The following FREM2 variants were observed in gnomAD, a reference collection of about 807,000 sequenced individuals.
FREM2 encodes the protein FRAS1 related extracellular matrix 2, also known as FRAS1-related extracellular matrix protein 2.
FREM2 carries 119 observed loss-of-function variants against 219.9 expected under a neutral mutation model. That is an observed-to-expected ratio of 0.54 (90% CI 0.47 to 0.63). The LOEUF (loss-of-function observed/expected upper bound fraction) is 0.63. Among genes scored for constraint, FREM2 ranks in the 30% least tolerant of loss-of-function variants. The pLI is 0.00. For missense variants in FREM2, 4,030 were observed against 3,993.6 expected (o/e 1.01, Z -0.25); for synonymous variants, 1,562 against 1,522.8 (o/e 1.03, Z -0.60).
chr13:38,728,249 C>T (rs1424242613), intron 2 of FREM2, among the ~76,000 whole-genome samples: 3 of 151,700 alleles, frequency 2.0e-5, no homozygotes, highest in South Asian at 2.1e-4. Context: ...CACATGTTGT[C>T]GTTGACAGGA....
intron 6 of FREM2, among the ~76,000 whole-genome samples, chr13:38,789,773 C>T (rs1299524526): frequency 2.0e-5 from 3 of 150,196 alleles, no homozygotes; most frequent in African/African-American, 7.3e-5. Context: ...GACTTTCTAT[C>T]ATGCTTTATT....
intron 6 of FREM2, among the ~76,000 whole-genome samples, chr13:38,840,877 G>A (rs1406524126): frequency 2.0e-5 from 3 of 152,014 alleles, no homozygotes; most frequent in African/African-American, 7.3e-5. Flanking sequence ...ACAATCCTTT[G>A]TATGCATCTT....
rs566727527 is a variant in FREM2, at chr13:38,872,038, G to A, written c.7984-704G>A. ...GCATTTTTTATAATAGCCAAAAACT[G>A]GAAACAACCCAAATGGCCATGAAGT... On this transcript the variant is annotated intron_variant, in intron 16 of 23. Transcript: ENST00000280481. Among the ~76,000 whole-genome samples the A allele has an allele frequency of 9.2e-5, 14 of 152,068 alleles. No individual in the cohort carries two copies. In the South Asian group the frequency reaches 1.5e-3, roughly 16 times the overall value.
At chr13:38,732,095 C>T (rs1871789350) in intron 2 of FREM2, among the ~76,000 whole-genome samples, 1 of 152,174 alleles carries the variant, frequency 6.6e-6, no homozygotes, top group South Asian at 2.1e-4. Flanking sequence ...AGCATTGTCT[C>T]TTTACATTTG....
At chr13:38,754,604 G>A (rs961317056) in intron 2 of FREM2, among the ~76,000 whole-genome samples, 1 of 152,086 alleles carries the variant, frequency 6.6e-6, no homozygotes, top group Non-Finnish European at 1.5e-5. Context: ...AAATTGCAGG[G>A]TTGCTGTGAG....
intron 2 of FREM2, among the ~76,000 whole-genome samples, chr13:38,742,860 C>A (rs559772311): frequency 2.8e-4 from 42 of 152,264 alleles, no homozygotes; most frequent in Admixed American, 2.0e-3. Flanking sequence ...TTATTGCAAT[C>A]ATTAAATAAT....
intron 6 of FREM2, among the ~76,000 whole-genome samples, chr13:38,833,718 A>G (rs921332910): frequency 3.9e-5 from 6 of 152,176 alleles, no homozygotes; most frequent in African/African-American, 7.2e-5. Context: ...GTCCATCTAT[A>G]GGTAGATGAA....
intron 2 of FREM2, among the ~76,000 whole-genome samples, chr13:38,758,908 C>G (rs1873122629): frequency 6.6e-6 from 1 of 152,130 alleles, no homozygotes; most frequent in South Asian, 2.1e-4. Context: ...TGGCTTACAC[C>G]TATAGTCCCA....
chr13:38,777,789 C>G (rs1321078683), intron 4 of FREM2, among the ~76,000 whole-genome samples: 3 of 152,144 alleles, frequency 2.0e-5, no homozygotes, highest in Non-Finnish European at 4.4e-5. Flanking sequence ...GGAAGCCTTT[C>G]TTTGTCTCTG....
chr13:38,834,802 T>C (rs1023563014), intron 6 of FREM2, among the ~76,000 whole-genome samples: 7 of 152,214 alleles, frequency 4.6e-5, no homozygotes, highest in African/African-American at 1.7e-4. Flanking sequence ...GGTTGTTTGT[T>C]TTTTCTTGTA....
chr13:38,844,295 G>GTCTTGC (rs1302910629), intron 6 of FREM2, among the ~76,000 whole-genome samples: 25 of 151,846 alleles, frequency 1.6e-4, no homozygotes, highest in African/African-American at 5.6e-4. Flanking sequence ...CTCTCTCTCT[G>GTCTTGC]TCTTGCTTAC....
chr13:38,810,769 C>T (rs1036351933), intron 6 of FREM2, among the ~76,000 whole-genome samples: 1 of 151,738 alleles, frequency 6.6e-6, no homozygotes, highest in East Asian at 1.9e-4. Flanking sequence ...GATATTAGCC[C>T]ATAGTTTTCT....
At chr13:38,731,122 A>G (rs1055737600) in intron 2 of FREM2, among the ~76,000 whole-genome samples, 1 of 152,200 alleles carries the variant, frequency 6.6e-6, no homozygotes, top group Non-Finnish European at 1.5e-5. Context: ...TTGTACCTGA[A>G]CATGCTCCCA....
In FREM2 at chr13:38,876,352, C is replaced by T; in HGVS notation, c.8514C>T (p.Val2838=). The change falls in exon 20 of 24, where the codon GTC becomes GTT. Residue 2838 remains valine, a synonymous_variant. Transcript: ENST00000280481. ...LPVTCNPREP[V]TFDLDIRFQQ... is the part of the protein sequence containing the mutation. ...TCACCTGCAACCCCAGAGAACCTGT[C>T]ACCTTTGACCTTGACATCCGATTCC... is the stretch of plus-strand genomic sequence containing the variant. The T allele has an allele frequency of 6.2e-7, 1 of 1,613,846 alleles. No homozygotes were observed. The highest frequency in any genetic ancestry group is 2.2e-5 in the East Asian group (1 of 44,876).
Position 38,689,481 on chromosome 13 carries a change from G to T in FREM2, c.2137G>T (p.Val713Leu). ...CAGTGGCTGTCCCCTTCGTATGGTG[G>T]TACAGGAATCCCAGCTCACACCACT... ...LGSGCPLRMV[V>L]QESQLTPLRK... The change falls in exon 1 of 24, where the codon GTA (valine) becomes TTA (leucine). Residue 713 changes from valine to leucine, a missense_variant. Val to Leu is a conservative substitution (Grantham distance 32). This residue lies in a region of FREM2 where 3,102 missense variants were observed against 2,950.7 expected (regional missense o/e 1.05). Transcript: ENST00000280481. The T allele has an allele frequency of 6.2e-7, 1 of 1,614,000 alleles. No individual in the cohort carries two copies. Among genetic ancestry groups the T allele is most frequent in the Non-Finnish European group, 8.5e-7 (1 of 1,179,996 alleles).
At chr13:38,867,493 G>A (rs1878011061) in intron 16 of FREM2, among the ~76,000 whole-genome samples, 1 of 152,226 alleles carries the variant, frequency 6.6e-6, no homozygotes, top group Non-Finnish European at 1.5e-5. Context: ...GAAACTTAGA[G>A]ATGTTGTGTT....
intron 2 of FREM2, among the ~76,000 whole-genome samples, chr13:38,756,007 G>A (rs909720451): frequency 1.3e-5 from 2 of 152,192 alleles, no homozygotes; most frequent in African/African-American, 2.4e-5. Context: ...GCTGGAGGGA[G>A]GCCAGAGCTG....
chr13:38,829,226 T>C (rs1728175801), intron 6 of FREM2, among the ~76,000 whole-genome samples: 1 of 152,114 alleles, frequency 6.6e-6, no homozygotes, highest in Admixed American at 6.6e-5. Context: ...AGCAAAGTTA[T>C]TTAATTGAGA....
At chr13:38,730,384 A>G (rs1871715219) in intron 2 of FREM2, among the ~76,000 whole-genome samples, 1 of 152,238 alleles carries the variant, frequency 6.6e-6, no homozygotes, top group South Asian at 2.1e-4. Flanking sequence ...GAATTTGAGA[A>G]CGTAACATAT....
Sources: allele counts gnomAD v4.1 joint callset (sites outside exome capture counted in the v4.1 genomes callset), GRCh38; gene constraint gnomAD v4.1.1; regional missense constraint gnomAD v4.1.1; transcripts MANE v1.5; gene names NCBI Gene and HGNC (gene_info 2026-07-23, HGNC 2026-07-21).